ARID1B: variants seen among roughly 807,000 people sequenced by gnomAD.
The protein encoded by ARID1B is AT-rich interactive domain-containing protein 1B.
ARID1B carries 30 observed loss-of-function variants against 212.3 expected under a neutral mutation model. That is an observed-to-expected ratio of 0.14 (90% CI 0.11 to 0.19). ARID1B has a LOEUF of 0.19. Among genes scored for constraint, ARID1B ranks in the 10% least tolerant of loss-of-function variants. ARID1B has a pLI of 1.00. For missense variants in ARID1B, 2,891 were observed against 3,204.0 expected (o/e 0.90, Z 2.36); for synonymous variants, 1,402 against 1,301.7 (o/e 1.08, Z -1.66).
chr6:156,792,089 CAT>C (rs1397191278), intron 1 of ARID1B, among the ~76,000 whole-genome samples: 1 of 152,160 alleles, frequency 6.6e-6, no homozygotes, highest in Admixed American at 6.5e-5. Context: ...GAACTTTACT[CAT>C]ATGAGAGTTA....
At chr6:157,041,702 A>T (rs1399668465) in intron 4 of ARID1B, among the ~76,000 whole-genome samples, 2 of 152,210 alleles carry the variant, frequency 1.3e-5, no homozygotes, top group Non-Finnish European at 2.9e-5. Context: ...GCAACCAATC[A>T]GTAACAGAAC....
intron 1 of ARID1B, among the ~76,000 whole-genome samples, chr6:156,799,690 C>T (rs1780644920): frequency 6.6e-6 from 1 of 152,164 alleles, no homozygotes; most frequent in Non-Finnish European, 1.5e-5. Context: ...GTTGGCAAGG[C>T]TGGTCTCGAA....
At chr6:156,991,741 A>T (rs146123362) in intron 4 of ARID1B, among the ~76,000 whole-genome samples, 1 of 152,224 alleles carries the variant, frequency 6.6e-6, no homozygotes, top group African/African-American at 2.4e-5. Context: ...TTTCATACAC[A>T]TAGTAATAAA....
Position 157,201,376 on chromosome 6 carries a change from G to C in ARID1B, c.5151G>C (p.Gly1717=), listed in dbSNP as rs2128376387. 1 of 1,607,796 alleles carries C rather than the reference G, an allele frequency of 6.2e-7. No homozygotes were observed. The highest frequency in any genetic ancestry group is 1.7e-5 in the Admixed American group (1 of 59,740). ...MPTVPTSQVT[G]PPPQPPPIRR... is the part of the protein sequence containing the mutation. ...CGGTCCCCACATCCCAGGTCACCGG[G>C]CCACCACCCCAACCACCCCCAATCA... Residue 1717 remains glycine (G), a synonymous_variant, in exon 18 of 20, where the codon GGG becomes GGC. Transcript: ENST00000636930. This position sits in a 1 kb window ranked among gnomAD's most constrained non-coding sequence, Gnocchi z 5.2.
chr6:157,052,837 G>C (rs1008936328), intron 4 of ARID1B, among the ~76,000 whole-genome samples: 1 of 149,884 alleles, frequency 6.7e-6, no homozygotes, highest in Admixed American at 6.6e-5. Context: ...CTCCTGCCTC[G>C]GCCTCCCGAG....
At chr6:156,999,268 A>G (rs1236533373) in intron 4 of ARID1B, among the ~76,000 whole-genome samples, 1 of 152,244 alleles carries the variant, frequency 6.6e-6, no homozygotes, top group Non-Finnish European at 1.5e-5. Flanking sequence ...ATGCTGGTTA[A>G]CAGCATGTAA....
At chr6:157,182,555 C>T (rs1453020871) in intron 12 of ARID1B, among the ~76,000 whole-genome samples, 2 of 152,128 alleles carry the variant, frequency 1.3e-5, no homozygotes, top group African/African-American at 4.8e-5. Context: ...AAGGGCAAGT[C>T]ATCTGCCCTG....
At chr6:157,135,103 T>A (rs944330051) in intron 7 of ARID1B, among the ~76,000 whole-genome samples, 2 of 151,964 alleles carry the variant, frequency 1.3e-5, no homozygotes, top group Non-Finnish European at 2.9e-5. Flanking sequence ...TTTTTTTTTT[T>A]ACTAAATCCC....
Position 157,184,454 on chromosome 6 carries a change from G to C in ARID1B, c.3919+19G>C, listed in dbSNP as rs2128326251. On this transcript the variant is annotated intron_variant, in intron 13 of 19. Transcript: ENST00000636930. ...TCTCCTGGTAAGTGGCGGCGCTGCA[G>C]TCACTGGCCCAGGAAAGCCCAGGCG... The C allele has an allele frequency of 6.2e-7, 1 of 1,613,680 alleles. No individual in the cohort carries two copies. The highest frequency in any genetic ancestry group is 8.5e-7 in the Non-Finnish European group (1 of 1,179,924).
At chr6:157,106,853 A>G (rs920732721) in intron 5 of ARID1B, among the ~76,000 whole-genome samples, 5 of 152,220 alleles carry the variant, frequency 3.3e-5, no homozygotes, top group Non-Finnish European at 5.9e-5. Context: ...TCTTCTCACA[A>G]TGGAATTCCA....
chr6:156,807,194 A>G (rs1292816797), intron 1 of ARID1B, among the ~76,000 whole-genome samples: 1 of 146,668 alleles, frequency 6.8e-6, no homozygotes, highest in African/African-American at 2.6e-5. Flanking sequence ...TTTATTCTCT[A>G]GCATCTCAGC....
intron 7 of ARID1B, among the ~76,000 whole-genome samples, chr6:157,146,464 G>A (rs192058490): frequency 1.3e-5 from 2 of 152,266 alleles, no homozygotes; most frequent in East Asian, 3.9e-4. Context: ...TGCTCATTCA[G>A]AGGACTCTCC....
At chr6:157,136,725 G>A (rs772946396) in intron 7 of ARID1B, among the ~76,000 whole-genome samples, 23 of 150,806 alleles carry the variant, frequency 1.5e-4, no homozygotes, top group Non-Finnish European at 2.7e-4. Context: ...AGCCGGGTGC[G>A]GTGGCACACG....
intron 4 of ARID1B, among the ~76,000 whole-genome samples, chr6:156,961,652 A>G (rs1232812403): frequency 6.6e-6 from 1 of 152,176 alleles, no homozygotes; most frequent in Non-Finnish European, 1.5e-5. Context: ...CCAGAAGGGC[A>G]GGGTCGCTGT....
At chr6:156,893,045 C>CTTTTTTGTTTTTTTTTTTT (rs1554263983) in intron 2 of ARID1B, among the ~76,000 whole-genome samples, 3 of 85,924 alleles carry the variant, frequency 3.5e-5, no homozygotes, top group African/African-American at 1.4e-4. Context: ...TTTTTTCTTC[C>CTTTTTTGTTTTTTTTTTTT]TTTTTTTTTT....
chr6:156,951,686 G>T (rs186613693), intron 4 of ARID1B, among the ~76,000 whole-genome samples: 156 of 152,104 alleles, frequency 1.0e-3, no homozygotes, highest in Admixed American at 2.0e-3. Flanking sequence ...CTCGTGATCC[G>T]CCCGCCTCAG....
chr6:156,860,175 A>G (rs1785230122), intron 2 of ARID1B, among the ~76,000 whole-genome samples: 1 of 152,226 alleles, frequency 6.6e-6, no homozygotes, highest in Non-Finnish European at 1.5e-5. Context: ...TATGCTTACA[A>G]ATTTTTAATG....
chr6:156,901,586 G>A, intron 3 of ARID1B, 61 bp downstream of exon 3: 1 of 1,538,924 alleles, frequency 6.5e-7, no homozygotes, highest in Non-Finnish European at 8.7e-7. Context: ...ACCCGGCTCT[G>A]AATCATCTTC....
At chr6:156,804,716 C>T (rs1781025333) in intron 1 of ARID1B, among the ~76,000 whole-genome samples, 1 of 152,058 alleles carries the variant, frequency 6.6e-6, no homozygotes, top group Admixed American at 6.5e-5. Flanking sequence ...TCCTACAACA[C>T]ATGGGGATTA....
Sources: gnomAD v4.1 joint callset for allele counts (sites outside exome capture counted in the v4.1 genomes callset) on GRCh38, gnomAD v4.1.1 for gene constraint, Gnocchi (gnomAD v3.1) non-coding constraint, MANE v1.5 for transcripts, NCBI Gene and HGNC (gene_info 2026-07-23, HGNC 2026-07-21) for gene names.